The following AKAP13 variants were observed in gnomAD, a reference collection of about 807,000 sequenced individuals.
AKAP13 encodes the protein A-kinase anchor protein 13.
AKAP13 carries 80 observed loss-of-function variants against 264.5 expected under a neutral mutation model. The observed-to-expected ratio is 0.30, with a 90% CI of 0.25 to 0.36. AKAP13 has a LOEUF of 0.36. AKAP13 is among the 10% of genes least tolerant of loss of function. The pLI is 1.00. For synonymous variants in AKAP13, 1,380 were observed against 1,250.2 expected (o/e 1.10, Z -2.19); for missense variants, 3,712 against 3,435.2 (o/e 1.08, Z -2.01).
chr15:85,744,191 G>C, intron 36 of AKAP13: 2 of 303,162 alleles, frequency 6.6e-6, no homozygotes, highest in South Asian at 8.1e-5. Flanking sequence ...ACTGTATGAA[G>C]TTGGCACTGC....
At chr15:85,639,065 A>G (rs902016105) in intron 8 of AKAP13, among the ~76,000 whole-genome samples, 8 of 152,158 alleles carry the variant, frequency 5.3e-5, no homozygotes, top group African/African-American at 1.9e-4. Context: ...ATGTATTTTA[A>G]TATTTAGTCA....
chr15:85,693,238 T>C (rs770836415), intron 16 of AKAP13, 39 bp from the exon 17 acceptor site: 6 of 1,544,876 alleles, frequency 3.9e-6, no homozygotes, highest in East Asian at 2.3e-5. Context: ...AGCCCTCCAG[T>C]GTTCAATTAA....
In AKAP13 at chr15:85,465,125, AT is replaced by A. The variant is rs566642021; in HGVS notation, c.-11-20576del. On this transcript the variant is annotated intron_variant, in intron 1 of 36. Coordinates refer to ENST00000394518, the MANE Select transcript of AKAP13 (RefSeq NM_007200.5). The stretch of plus-strand genomic sequence containing the variant: ...CTGGCTAATTTTTTTTTTTTTTTGT[AT>A]TTTTTTTTAGTAGAGACGGGGTTTC... Among the ~76,000 whole-genome samples the A allele has an allele frequency of 8.1e-5, 9 of 111,026 alleles. No homozygotes were observed. In the South Asian group the frequency reaches 1.1e-3, roughly 14 times the overall value. 72.8% of individuals were successfully genotyped at this position (111,026 alleles called of 152,430 possible). A position where few individuals can be genotyped will look rare whatever the true frequency, so the allele number is the denominator to read the frequency against.
intron 2 of AKAP13, among the ~76,000 whole-genome samples, chr15:85,494,107 A>G (rs2075807458): frequency 6.6e-6 from 1 of 152,156 alleles, no homozygotes; most frequent in Non-Finnish European, 1.5e-5. Flanking sequence ...TACTCATACC[A>G]TCTCTTATAT....
intron 8 of AKAP13, among the ~76,000 whole-genome samples, chr15:85,636,743 T>C (rs1040252045): frequency 6.6e-6 from 1 of 152,096 alleles, no homozygotes; most frequent in Non-Finnish European, 1.5e-5. Flanking sequence ...GGCTCCCTAG[T>C]AGCTGGGATT....
At chr15:85,738,844 CAAAAAAAA>C (rs71468137) in intron 33 of AKAP13, among the ~76,000 whole-genome samples, 4 of 72,406 alleles carry the variant, frequency 5.5e-5, no homozygotes, top group African/African-American at 6.3e-5. Context: ...GACTCCGTCT[CAAAAAAAA>C]AAAAAAAAAA....
chr15:85,491,501 TATA>T (rs1268479954), intron 2 of AKAP13, among the ~76,000 whole-genome samples: 13 of 144,852 alleles, frequency 9.0e-5, no homozygotes, highest in African/African-American at 1.8e-4. Flanking sequence ...ATATATTTAT[TATA>T]TATTATATAT....
intron 1 of AKAP13, among the ~76,000 whole-genome samples, chr15:85,394,979 T>C (rs962796442): frequency 6.6e-6 from 1 of 152,214 alleles, no homozygotes; most frequent in African/African-American, 2.4e-5. Flanking sequence ...CTCATTACTA[T>C]AAACACTTTT....
At chr15:85,457,764 TCTA>T (rs2074333699) in intron 1 of AKAP13, among the ~76,000 whole-genome samples, 1 of 152,198 alleles carries the variant, frequency 6.6e-6, no homozygotes, top group Non-Finnish European at 1.5e-5. Flanking sequence ...GTTTGACCTT[TCTA>T]AGCCAGAGCT....
chr15:85,430,539 A>G (rs559874234), intron 1 of AKAP13, among the ~76,000 whole-genome samples: 85 of 152,260 alleles, frequency 5.6e-4, no homozygotes, highest in African/African-American at 9.9e-4. Flanking sequence ...CTTAAAGGCT[A>G]TATGTTGTAC....
intron 1 of AKAP13, among the ~76,000 whole-genome samples, chr15:85,440,538 C>CT (rs1327522231): frequency 2.0e-5 from 3 of 152,124 alleles, no homozygotes; most frequent in Non-Finnish European, 2.9e-5. Context: ...GAGCTTTCTT[C>CT]TTTCTATATT....
At chr15:85,473,993 A>G (rs1236221777) in intron 1 of AKAP13, among the ~76,000 whole-genome samples, 6 of 152,268 alleles carry the variant, frequency 3.9e-5, no homozygotes, top group Admixed American at 3.9e-4. Context: ...TTCTTACTTG[A>G]ACAGCAGAAT....
chr15:85,665,231 A>G (rs765905484), intron 13 of AKAP13, among the ~76,000 whole-genome samples: 1 of 152,152 alleles, frequency 6.6e-6, no homozygotes, highest in Non-Finnish European at 1.5e-5. Flanking sequence ...AATAAAGACT[A>G]CGTTAATCTG....
At chr15:85,388,124 C>A (rs1475951802) in intron 1 of AKAP13, among the ~76,000 whole-genome samples, 2 of 151,820 alleles carry the variant, frequency 1.3e-5, no homozygotes, top group African/African-American at 4.8e-5. Context: ...AACCTGTGGC[C>A]CCCCAGGTTC....
chr15:85,650,788 A>AAAAC (rs2082790363), intron 10 of AKAP13, among the ~76,000 whole-genome samples: 20 of 125,066 alleles, frequency 1.6e-4, no homozygotes, highest in Non-Finnish European at 2.4e-4. Flanking sequence ...AAAAAAAAAA[A>AAAAC]AACAACAAAA....
chr15:85,739,249 G>A (rs557517219), intron 33 of AKAP13, among the ~76,000 whole-genome samples: 2 of 152,306 alleles, frequency 1.3e-5, no homozygotes, highest in South Asian at 4.1e-4. Context: ...CTACCCATTA[G>A]ACATACAAAT....
At chr15:85,534,797 T>C (rs532653886) in intron 4 of AKAP13, 1 of 152,290 alleles carries the variant, frequency 6.6e-6, no homozygotes, top group African/African-American at 2.4e-5. Context: ...ACAAGGGTTT[T>C]CCCACATAAT....
intron 1 of AKAP13, among the ~76,000 whole-genome samples, chr15:85,477,957 C>T (rs1032130505): frequency 8.5e-5 from 13 of 152,136 alleles, no homozygotes; most frequent in African/African-American, 2.9e-4. Context: ...ATATCTGGCG[C>T]GTGCTGTTCC....
At chr15:85,458,017 G>A (rs1853192681) in intron 1 of AKAP13, among the ~76,000 whole-genome samples, 3 of 151,940 alleles carry the variant, frequency 2.0e-5, no homozygotes, top group South Asian at 4.1e-4. Flanking sequence ...GCGCCCGCCT[G>A]TAATCCCACC....
Sources: allele counts gnomAD v4.1 joint callset (sites outside exome capture counted in the v4.1 genomes callset), GRCh38; gene constraint gnomAD v4.1.1; transcripts MANE v1.5; gene names NCBI Gene and HGNC (gene_info 2026-07-23, HGNC 2026-07-21).